The following TAFA1 variants were observed in gnomAD, a reference collection of about 807,000 sequenced individuals.
TAFA1 encodes the protein chemokine-like protein TAFA-1.
In TAFA1, 4 loss-of-function variants were observed where a neutral mutation model predicts 18.5. The observed-to-expected ratio is 0.22, with a 90% CI of 0.11 to 0.49. The LOEUF (loss-of-function observed/expected upper bound fraction) is 0.49, where lower values mean the gene tolerates loss of function less well. TAFA1 is among the 20% of genes least tolerant of loss of function. TAFA1 has a pLI of 0.98. For missense variants in TAFA1, 147 were observed against 169.0 expected (o/e 0.87, Z 0.72); for synonymous variants, 56 against 55.2 (o/e 1.01, Z -0.06).
At chr3:68,203,510 C>T (rs1159841915) in intron 2 of TAFA1, among the ~76,000 whole-genome samples, 4 of 151,598 alleles carry the variant, frequency 2.6e-5, no homozygotes, top group Non-Finnish European at 5.9e-5. Flanking sequence ...GTAAAAGGAA[C>T]TGCTGTAAAA....
intron 2 of TAFA1, among the ~76,000 whole-genome samples, chr3:68,372,885 G>A (rs977231269): frequency 6.6e-6 from 1 of 152,208 alleles, no homozygotes; most frequent in Admixed American, 6.5e-5. Context: ...GGTTGTGGAA[G>A]CATGAGGAAG....
chr3:68,233,683 G>T (rs2066896768), intron 2 of TAFA1, among the ~76,000 whole-genome samples: 1 of 151,910 alleles, frequency 6.6e-6, no homozygotes, highest in Non-Finnish European at 1.5e-5. Context: ...GACAAGAATT[G>T]CATTGAATCT....
At chr3:68,172,640 C>T (rs1253189105) in intron 2 of TAFA1, among the ~76,000 whole-genome samples, 1 of 151,938 alleles carries the variant, frequency 6.6e-6, no homozygotes, top group Non-Finnish European at 1.5e-5. Flanking sequence ...GCTGCTGAAT[C>T]AATAAATAAA....
chr3:68,469,792 G>A (rs182598259), intron 3 of TAFA1, among the ~76,000 whole-genome samples: 149 of 152,296 alleles, frequency 9.8e-4, no homozygotes, highest in Admixed American at 3.1e-3. Flanking sequence ...TCTGATTCTG[G>A]TATGTATTAA....
chr3:68,189,880 T>C (rs1224561665), intron 2 of TAFA1, among the ~76,000 whole-genome samples: 2 of 151,898 alleles, frequency 1.3e-5, no homozygotes, highest in South Asian at 2.1e-4. Context: ...TTGTCACCAT[T>C]GATATTATTA....
At chr3:68,234,652 C>T (rs1416683755) in intron 2 of TAFA1, among the ~76,000 whole-genome samples, 2 of 152,122 alleles carry the variant, frequency 1.3e-5, no homozygotes, top group African/African-American at 4.8e-5. Flanking sequence ...CTCTGCTTGG[C>T]CTTTCAAGAT....
At chr3:68,303,676 C>T (rs1324998157) in intron 2 of TAFA1, among the ~76,000 whole-genome samples, 2 of 152,042 alleles carry the variant, frequency 1.3e-5, no homozygotes, top group Non-Finnish European at 2.9e-5. Flanking sequence ...GTCTTGATCT[C>T]CTGACCTCGT....
intron 2 of TAFA1, among the ~76,000 whole-genome samples, chr3:68,016,349 G>T (rs1289828584): frequency 6.6e-6 from 1 of 152,064 alleles, no homozygotes; most frequent in African/African-American, 2.4e-5. Flanking sequence ...ACCTTTTCTA[G>T]GTTTAGTTAG....
intron 2 of TAFA1, among the ~76,000 whole-genome samples, chr3:68,144,620 T>C (rs1575642775): frequency 6.6e-6 from 1 of 152,196 alleles, no homozygotes. Flanking sequence ...TTATGTAGGG[T>C]TTATTTAAAA....
At chr3:68,070,484 GC>G (rs769224129) in intron 2 of TAFA1, among the ~76,000 whole-genome samples, 2 of 152,198 alleles carry the variant, frequency 1.3e-5, no homozygotes, top group Non-Finnish European at 2.9e-5. Context: ...GATGGGACGG[GC>G]TGCCATGAAG....
At position 68,441,163 on chromosome 3, in the gene TAFA1, G is replaced by A. The variant is rs141517359; in HGVS notation, c.259+23743G>A. On this transcript the variant is annotated intron_variant, in intron 3 of 4. Transcript: ENST00000478136. ...GAGGAAACATATTCCTCATTTGGGT[G>A]TGTTACTCTAGTCCATTTATCAAGT... Among the ~76,000 whole-genome samples, 15 of 152,300 alleles carry A rather than the reference G, an allele frequency of 9.8e-5. No individual in the cohort carries two copies. The East Asian group carries it at 2.7e-3, about 27-fold the overall frequency.
chr3:68,120,241 CTT>C (rs754602862), intron 2 of TAFA1, among the ~76,000 whole-genome samples: 3 of 83,334 alleles, frequency 3.6e-5, no homozygotes, highest in Non-Finnish European at 5.1e-5. Context: ...TTCTTTCTTT[CTT>C]TCTTTCTTTC....
At chr3:68,300,654 C>T (rs2068287837) in intron 2 of TAFA1, among the ~76,000 whole-genome samples, 1 of 152,084 alleles carries the variant, frequency 6.6e-6, no homozygotes, top group Non-Finnish European at 1.5e-5. Flanking sequence ...GGCTGCCTCT[C>T]CACCCAAAAT....
intron 2 of TAFA1, among the ~76,000 whole-genome samples, chr3:68,384,611 C>A (rs2070050695): frequency 6.6e-6 from 1 of 151,908 alleles, no homozygotes; most frequent in Non-Finnish European, 1.5e-5. Context: ...AGAGTAAGTA[C>A]CATGTGACAA....
chr3:68,170,540 C>T (rs2066039717), intron 2 of TAFA1, among the ~76,000 whole-genome samples: 3 of 152,154 alleles, frequency 2.0e-5, no homozygotes, highest in Non-Finnish European at 4.4e-5. Flanking sequence ...ATTTGAAATG[C>T]TCCAATATAT....
chr3:68,269,810 T>A (rs2067627559), intron 2 of TAFA1, among the ~76,000 whole-genome samples: 1 of 152,162 alleles, frequency 6.6e-6, no homozygotes, highest in East Asian at 1.9e-4. Flanking sequence ...GAGAACCAGT[T>A]TTAATGCACA....
At position 68,134,393 on chromosome 3, in the gene TAFA1, C is replaced by T. The variant is rs150424101; in HGVS notation, c.118+127649C>T. Among the ~76,000 whole-genome samples, 240 of 152,062 alleles carry T rather than the reference C, an allele frequency of 1.6e-3. 1 individual carries two copies. Among genetic ancestry groups the T allele is most frequent in the East Asian group, 2.3e-3 (12 of 5,164 alleles). ...TGTGTATACATATTATATATATACACGTACATATGGTTGTTTCTTTGCCAA... is the reference window on the plus strand; with the variant it reads ...TGTGTATACATATTATATATATACATGTACATATGGTTGTTTCTTTGCCAA... On this transcript the variant is annotated intron_variant, in intron 2 of 4. Coordinates refer to ENST00000478136, the MANE Select transcript of TAFA1 (RefSeq NM_213609.4).
intron 2 of TAFA1, among the ~76,000 whole-genome samples, chr3:68,023,330 C>G (rs143816857): frequency 1.3e-5 from 2 of 152,204 alleles, no homozygotes; most frequent in African/African-American, 2.4e-5. Context: ...TTCAGAGCAG[C>G]ATCTTTTTGA....
At chr3:68,029,670 T>C (rs1704889421) in intron 2 of TAFA1, among the ~76,000 whole-genome samples, 1 of 152,224 alleles carries the variant, frequency 6.6e-6, no homozygotes, top group Admixed American at 6.5e-5. Flanking sequence ...AATTATAGCA[T>C]ATGAACTATA....
Sources: allele counts gnomAD v4.1 joint callset (sites outside exome capture counted in the v4.1 genomes callset), GRCh38; gene constraint gnomAD v4.1.1; transcripts MANE v1.5; gene names NCBI Gene and HGNC (gene_info 2026-07-23, HGNC 2026-07-21).